FGF14: variants seen among roughly 807,000 people sequenced by gnomAD.
FGF14 encodes fibroblast growth factor homologous factor 4.
FGF14 carries 5 observed loss-of-function variants against 25.5 expected under a neutral mutation model. The observed-to-expected ratio is 0.20, with a 90% CI of 0.10 to 0.41. The LOEUF (loss-of-function observed/expected upper bound fraction) is 0.41. Among genes scored for constraint, FGF14 ranks in the 10% least tolerant of loss-of-function variants. FGF14 has a pLI of 1.00. For synonymous variants in FGF14, 138 were observed against 118.3 expected (o/e 1.17, Z -1.08); for missense variants, 222 against 320.1 (o/e 0.69, Z 2.34).
At chr13:102,316,283 T>C (rs1343981258) in intron 1 of FGF14, among the ~76,000 whole-genome samples, 1 of 152,238 alleles carries the variant, frequency 6.6e-6, no homozygotes, top group Non-Finnish European at 1.5e-5. Context: ...TTGTGGGACA[T>C]GTCAAAAGCA....
chr13:101,767,564 C>T (rs1433520336), intron 3 of FGF14, among the ~76,000 whole-genome samples: 1 of 152,120 alleles, frequency 6.6e-6, no homozygotes, highest in African/African-American at 2.4e-5. Flanking sequence ...TTTGTAAACC[C>T]ATGCAATATT....
chr13:101,907,853 G>GGA (rs1424126599), intron 1 of FGF14, among the ~76,000 whole-genome samples: 1 of 152,106 alleles, frequency 6.6e-6, no homozygotes, highest in Non-Finnish European at 1.5e-5. Flanking sequence ...TCCCTGAGTA[G>GGA]GAGAGATGGT....
chr13:101,969,964 C>T (rs911986519), intron 1 of FGF14, among the ~76,000 whole-genome samples: 3 of 152,220 alleles, frequency 2.0e-5, no homozygotes, highest in Admixed American at 6.5e-5. Context: ...CAGAACATTT[C>T]AGATGCTTTC....
At chr13:101,824,178 T>C (rs929206659) in intron 3 of FGF14, among the ~76,000 whole-genome samples, 1 of 152,184 alleles carries the variant, frequency 6.6e-6, no homozygotes, top group Non-Finnish European at 1.5e-5. Flanking sequence ...TAATGATTAC[T>C]TTCTTTTTTT....
intron 1 of FGF14, among the ~76,000 whole-genome samples, chr13:102,099,307 G>T (rs1263855373): frequency 6.6e-6 from 1 of 152,198 alleles, no homozygotes; most frequent in Non-Finnish European, 1.5e-5. Context: ...CAGAGTGCTT[G>T]CAAAATGGGG....
chr13:101,810,609 C>T (rs2041451443), intron 3 of FGF14, among the ~76,000 whole-genome samples: 1 of 152,180 alleles, frequency 6.6e-6, no homozygotes, highest in Non-Finnish European at 1.5e-5. Flanking sequence ...CTTAAGCCCT[C>T]TCTTATCTTG....
chr13:102,059,535 A>G (rs750750728), intron 1 of FGF14, among the ~76,000 whole-genome samples: 2 of 152,272 alleles, frequency 1.3e-5, no homozygotes, highest in African/African-American at 4.8e-5. Context: ...AAATAATTCA[A>G]TGAATGAGCT....
chr13:102,004,202 G>A lies in FGF14; in HGVS notation c.209-128906C>T, dbSNP rs575549630. ...GTATACGGTGACTTTAGGAGAGAGG[G>A]AAAGGGACATTCCTAATAAACTTAT... On this transcript the variant is annotated intron_variant, in intron 1 of 4. Transcript: ENST00000376131. Among the ~76,000 whole-genome samples, 5 of 152,322 alleles carry A rather than the reference G, an allele frequency of 3.3e-5. No homozygotes were observed. The South Asian group carries it at 1.0e-3, about 32-fold the overall frequency.
chr13:101,960,045 T>G (rs541967254), intron 1 of FGF14, among the ~76,000 whole-genome samples: 4 of 152,364 alleles, frequency 2.6e-5, no homozygotes, highest in African/African-American at 9.6e-5. Flanking sequence ...TTGAATAAAA[T>G]GTCAAATTAT....
intron 1 of FGF14, among the ~76,000 whole-genome samples, chr13:102,346,186 AG>A (rs2057100050): frequency 6.6e-6 from 1 of 152,206 alleles, no homozygotes; most frequent in African/African-American, 2.4e-5. Flanking sequence ...ATTCAGCTTC[AG>A]GATTCAAAAA....
intron 1 of FGF14, among the ~76,000 whole-genome samples, chr13:102,125,158 CTT>C (rs945636184): frequency 6.6e-6 from 1 of 152,112 alleles, no homozygotes; most frequent in Non-Finnish European, 1.5e-5. Flanking sequence ...AATATGTACA[CTT>C]GATCAACTTT....
In FGF14 at chr13:102,242,445, C is replaced by G. The variant is rs555443343; in HGVS notation, c.208+159026G>C. ...GCAAGTCCAAGATCAGGGTCAGCAT[C>G]TGGCAAGGGCTTTCTTGCTGTATCA... On this transcript the variant is annotated intron_variant, in intron 1 of 4. Coordinates refer to the FGF14 transcript ENST00000376131. Among the ~76,000 whole-genome samples the G allele has an allele frequency of 1.5e-3, 233 of 152,200 alleles. 1 individual carries two copies. The highest frequency in any genetic ancestry group is 5.3e-3 in the African/African-American group (219 of 41,538).
chr13:102,276,695 G>A (rs551817424), intron 1 of FGF14, among the ~76,000 whole-genome samples: 1 of 152,018 alleles, frequency 6.6e-6, no homozygotes, highest in African/African-American at 2.4e-5. Flanking sequence ...ATGTGTGTTT[G>A]AGCCCTAATG....
intron 1 of FGF14, among the ~76,000 whole-genome samples, chr13:102,183,315 C>G (rs972760416): frequency 5.3e-5 from 8 of 152,006 alleles, no homozygotes; most frequent in Non-Finnish European, 8.8e-5. Flanking sequence ...GAGTTCAAAA[C>G]ATATTCATCT....
intron 1 of FGF14, among the ~76,000 whole-genome samples, chr13:102,009,879 C>G (rs189272159): frequency 2.0e-5 from 3 of 152,114 alleles, no homozygotes; most frequent in Admixed American, 6.5e-5. Context: ...ATTAGTGAAG[C>G]CTTCCAAAGC....
intron 1 of FGF14, among the ~76,000 whole-genome samples, chr13:102,041,785 C>T (rs997826914): frequency 3.0e-4 from 46 of 152,096 alleles, no homozygotes; most frequent in Non-Finnish European, 6.5e-4. Context: ...AGAAGTGTCT[C>T]CTTGGGAGTG....
At chr13:102,045,043 T>A (rs1280876255) in intron 1 of FGF14, among the ~76,000 whole-genome samples, 1 of 152,178 alleles carries the variant, frequency 6.6e-6, no homozygotes, top group East Asian at 1.9e-4. Flanking sequence ...CCCATCCATG[T>A]CTGTTAAGCT....
chr13:102,238,209 A>G (rs1423808603), intron 1 of FGF14, among the ~76,000 whole-genome samples: 2 of 152,236 alleles, frequency 1.3e-5, no homozygotes, highest in African/African-American at 4.8e-5. Context: ...TAACAAGAAT[A>G]TACAAAGTGA....
intron 3 of FGF14, among the ~76,000 whole-genome samples, chr13:101,787,236 G>A (rs1284783889): frequency 6.6e-6 from 1 of 152,118 alleles, no homozygotes; most frequent in Non-Finnish European, 1.5e-5. Flanking sequence ...TACTTTCCCT[G>A]ATTTCAAATA....
Sources: gnomAD v4.1 joint callset for allele counts (sites outside exome capture counted in the v4.1 genomes callset) on GRCh38, gnomAD v4.1.1 for gene constraint, MANE v1.5 for transcripts, NCBI Gene and HGNC (gene_info 2026-07-23, HGNC 2026-07-21) for gene names.